ARHGAP15: variants seen among roughly 807,000 people sequenced by gnomAD.
The protein encoded by ARHGAP15 is rho GTPase-activating protein 15.
In ARHGAP15, 51 loss-of-function variants were observed where a neutral mutation model predicts 63.7. That is an observed-to-expected ratio of 0.80 (90% CI 0.64 to 1.01). ARHGAP15 has a LOEUF of 1.01. Ranked by LOEUF, ARHGAP15 falls within the 50% of genes least tolerant of loss-of-function variation. The pLI, the probability that ARHGAP15 is intolerant of heterozygous loss-of-function variation, is 0.00. For missense variants in ARHGAP15, 560 were observed against 564.6 expected (o/e 0.99, Z 0.08); for synonymous variants, 191 against 193.8 (o/e 0.99, Z 0.12).
intron 12 of ARHGAP15, among the ~76,000 whole-genome samples, chr2:143,671,150 A>G (rs1288013304): frequency 6.6e-6 from 1 of 152,250 alleles, no homozygotes; most frequent in Admixed American, 6.5e-5. Context: ...TTCATGCAAT[A>G]TAATGCAATG....
At chr2:143,311,077 T>A (rs952208606) in intron 6 of ARHGAP15, among the ~76,000 whole-genome samples, 2 of 152,012 alleles carry the variant, frequency 1.3e-5, no homozygotes, top group Non-Finnish European at 1.5e-5. Flanking sequence ...AATATGAACA[T>A]CTTAATCCTT....
intron 1 of ARHGAP15, among the ~76,000 whole-genome samples, chr2:143,130,820 A>G (rs1471695798): frequency 1.3e-5 from 2 of 152,132 alleles, no homozygotes; most frequent in Non-Finnish European, 2.9e-5. Context: ...AATTTGTTGC[A>G]TTTCCTCACA....
At chr2:143,156,777 A>T (rs1690095954) in intron 2 of ARHGAP15, among the ~76,000 whole-genome samples, 1 of 151,966 alleles carries the variant, frequency 6.6e-6, no homozygotes, top group Non-Finnish European at 1.5e-5. Context: ...TAAAGTAACT[A>T]ATGAGATATG....
intron 13 of ARHGAP15, among the ~76,000 whole-genome samples, chr2:143,719,110 G>A (rs1465186009): frequency 6.6e-6 from 1 of 152,162 alleles, no homozygotes; most frequent in East Asian, 1.9e-4. Flanking sequence ...TGTAAGGGGT[G>A]GGCAAGACAT....
At chr2:143,185,618 G>A (rs1371638898) in intron 2 of ARHGAP15, among the ~76,000 whole-genome samples, 6 of 152,052 alleles carry the variant, frequency 3.9e-5, no homozygotes, top group Admixed American at 1.3e-4. Flanking sequence ...CCTCATTCCC[G>A]ATAGATCCTT....
At chr2:143,414,914 G>A (rs996228510) in intron 6 of ARHGAP15, among the ~76,000 whole-genome samples, 3 of 152,134 alleles carry the variant, frequency 2.0e-5, no homozygotes, top group African/African-American at 7.2e-5. Flanking sequence ...GGGCAACAGA[G>A]CAAGACTCTG....
intron 10 of ARHGAP15, among the ~76,000 whole-genome samples, chr2:143,556,097 GT>G (rs1377531349): frequency 3.9e-5 from 6 of 151,960 alleles, no homozygotes; most frequent in South Asian, 2.1e-4. Flanking sequence ...ACGTCTGGAG[GT>G]TTCCCCCCTA....
chr2:143,307,570 T>C (rs1683231139), intron 6 of ARHGAP15, among the ~76,000 whole-genome samples: 1 of 152,144 alleles, frequency 6.6e-6, no homozygotes, highest in South Asian at 2.1e-4. Flanking sequence ...TTCTGTCCCA[T>C]ATTACAAATT....
intron 2 of ARHGAP15, among the ~76,000 whole-genome samples, chr2:143,188,446 A>G (rs958304956): frequency 2.6e-5 from 4 of 151,844 alleles, no homozygotes; most frequent in Non-Finnish European, 4.4e-5. Context: ...CTGAATTATT[A>G]AATAATGTAG....
chr2:143,178,276 T>C (rs910904471), intron 2 of ARHGAP15, among the ~76,000 whole-genome samples: 2 of 152,164 alleles, frequency 1.3e-5, no homozygotes, highest in Non-Finnish European at 2.9e-5. Context: ...CAGAAAAAAC[T>C]TCAAAAATTA....
intron 8 of ARHGAP15, among the ~76,000 whole-genome samples, chr2:143,459,389 A>G (rs1195406103): frequency 6.6e-6 from 1 of 152,146 alleles, no homozygotes; most frequent in Non-Finnish European, 1.5e-5. Context: ...TCTCAGTAAC[A>G]TTTCTAATCA....
intron 11 of ARHGAP15, among the ~76,000 whole-genome samples, chr2:143,611,217 T>G (rs1698243561): frequency 6.6e-6 from 1 of 152,194 alleles, no homozygotes; most frequent in South Asian, 2.1e-4. Flanking sequence ...CTTATGAGCC[T>G]CGTGTAAAAA....
At chr2:143,430,102 G>C (rs1689316902) in intron 6 of ARHGAP15, among the ~76,000 whole-genome samples, 1 of 151,450 alleles carries the variant, frequency 6.6e-6, no homozygotes, top group Admixed American at 6.6e-5. Flanking sequence ...GCTATCCAAA[G>C]TAAACAAACT....
chr2:143,569,757 A>AT (rs1442435357), intron 11 of ARHGAP15, among the ~76,000 whole-genome samples: 1 of 152,196 alleles, frequency 6.6e-6, no homozygotes, highest in African/African-American at 2.4e-5. Context: ...AGAAGAATGA[A>AT]TTGTAGGGGG....
At chr2:143,634,226 T>C (rs1388085413) in intron 12 of ARHGAP15, among the ~76,000 whole-genome samples, 1 of 152,062 alleles carries the variant, frequency 6.6e-6, no homozygotes, top group Non-Finnish European at 1.5e-5. Flanking sequence ...TCCATCTGTC[T>C]ACCGAACACA....
chr2:143,162,816 A>G (rs13406460), intron 2 of ARHGAP15, among the ~76,000 whole-genome samples: 29,975 of 151,978 alleles, frequency 0.2, 3,254 homozygotes, highest in East Asian at 0.33. Flanking sequence ...CTTTACATAC[A>G]ATTGTATCAG....
At chr2:143,209,792 A>C (rs1692497847) in intron 3 of ARHGAP15, among the ~76,000 whole-genome samples, 1 of 152,174 alleles carries the variant, frequency 6.6e-6, no homozygotes, top group Non-Finnish European at 1.5e-5. Flanking sequence ...ATTATGAACA[A>C]GGGAAAAGAG....
intron 10 of ARHGAP15, among the ~76,000 whole-genome samples, chr2:143,522,680 C>T (rs917294122): frequency 6.6e-6 from 1 of 152,084 alleles, no homozygotes; most frequent in East Asian, 1.9e-4. Flanking sequence ...CATACACTAA[C>T]GCTAACAATA....
chr2:143,425,458 A>G (rs1689102987), intron 6 of ARHGAP15, among the ~76,000 whole-genome samples: 1 of 151,928 alleles, frequency 6.6e-6, no homozygotes, highest in South Asian at 2.1e-4. Flanking sequence ...ATGTCACTAT[A>G]TGTGATATAC....
Sources: allele counts gnomAD v4.1 joint callset (sites outside exome capture counted in the v4.1 genomes callset), GRCh38; gene constraint gnomAD v4.1.1; transcripts MANE v1.5; gene names NCBI Gene and HGNC (gene_info 2026-07-23, HGNC 2026-07-21).